ABCA13: variants seen among roughly 807,000 people sequenced by gnomAD.
ABCA13 encodes ATP binding cassette subfamily A member 13.
Under a neutral mutation model 478.7 loss-of-function variants are expected in ABCA13, and 476 were observed. The ratio of observed to expected loss-of-function variants is 0.99; its 90% CI spans 0.92 to 1.07. The LOEUF is 1.07. ABCA13 is among the 50% of genes least tolerant of loss of function. ABCA13 has a pLI of 0.00. For missense variants in ABCA13, 6,060 were observed against 5,910.6 expected, an observed-to-expected ratio of 1.03 and a Z score of -0.83; for synonymous variants, 2,252 against 2,158.9, an observed-to-expected ratio of 1.04 and a Z score of -1.20.
intron 15 of ABCA13, among the ~76,000 whole-genome samples, chr7:48,253,316 G>A (rs1792859235): frequency 6.6e-6 from 1 of 152,180 alleles, no homozygotes; most frequent in African/African-American, 2.4e-5. Context: ...CACTTCGGCA[G>A]CCCCTAGGCA....
At chr7:48,319,010 A>G (rs1803005100) in intron 27 of ABCA13, among the ~76,000 whole-genome samples, 1 of 152,194 alleles carries the variant, frequency 6.6e-6, no homozygotes, top group African/African-American at 2.4e-5. Context: ...TAAGTTAGAT[A>G]TACTATGCTA....
At chr7:48,443,112 C>T (rs574601526) in intron 42 of ABCA13, among the ~76,000 whole-genome samples, 52 of 152,262 alleles carry the variant, frequency 3.4e-4, no homozygotes, top group African/African-American at 1.0e-3. Flanking sequence ...AGAAAGCCGT[C>T]GGCAAACCAA....
At chr7:48,546,557 A>G (rs940117950) in intron 55 of ABCA13, among the ~76,000 whole-genome samples, 1 of 147,526 alleles carries the variant, frequency 6.8e-6, no homozygotes, top group Non-Finnish European at 1.5e-5. Context: ...TAAACGGGAT[A>G]TAAACTCTTA....
intron 1 of ABCA13, among the ~76,000 whole-genome samples, chr7:48,177,476 G>A (rs950071281): frequency 1.4e-4 from 21 of 152,184 alleles, no homozygotes; most frequent in Non-Finnish European, 2.9e-4. Flanking sequence ...TCTCAGCAGC[G>A]GCCCACACCC....
At chr7:48,236,117 T>G (rs1340669211) in intron 8 of ABCA13, among the ~76,000 whole-genome samples, 1 of 152,146 alleles carries the variant, frequency 6.6e-6, no homozygotes, top group Non-Finnish European at 1.5e-5. Flanking sequence ...AGCCAGATTA[T>G]TAAGGCTTAT....
intron 58 of ABCA13, among the ~76,000 whole-genome samples, chr7:48,609,738 A>G (rs1437430041): frequency 2.6e-5 from 4 of 152,160 alleles, no homozygotes; most frequent in Admixed American, 6.5e-5. Flanking sequence ...TTTTGTGTTT[A>G]TTTTTTGAAG....
At chr7:48,221,946 G>A (rs1192983434) in intron 5 of ABCA13, among the ~76,000 whole-genome samples, 2 of 152,166 alleles carry the variant, frequency 1.3e-5, no homozygotes, top group African/African-American at 2.4e-5. Flanking sequence ...TGCTCATATT[G>A]CAGCACCAGA....
intron 3 of ABCA13, among the ~76,000 whole-genome samples, chr7:48,206,030 A>G (rs1784879293): frequency 2.0e-5 from 3 of 151,592 alleles, no homozygotes; most frequent in Non-Finnish European, 4.4e-5. Flanking sequence ...ACCTACCTCC[A>G]CTCACCCCAC....
chr7:48,530,098 C>A (rs925591498), intron 55 of ABCA13, among the ~76,000 whole-genome samples: 3 of 152,036 alleles, frequency 2.0e-5, no homozygotes, highest in African/African-American at 7.2e-5. Context: ...CCCCAAAATT[C>A]ATTGTATCAT....
chr7:48,450,113 T>G (rs1824806369), intron 42 of ABCA13, among the ~76,000 whole-genome samples: 1 of 152,212 alleles, frequency 6.6e-6, no homozygotes, highest in African/African-American at 2.4e-5. Flanking sequence ...CTTGCACTAG[T>G]AAATACTCAC....
At chr7:48,205,350 A>G (rs1187707550) in intron 3 of ABCA13, among the ~76,000 whole-genome samples, 1 of 152,036 alleles carries the variant, frequency 6.6e-6, no homozygotes, top group Non-Finnish European at 1.5e-5. Context: ...GTATTTTTTC[A>G]GTTGTATTAT....
At chr7:48,206,694 T>C (rs186172500) in intron 3 of ABCA13, among the ~76,000 whole-genome samples, 1 of 152,270 alleles carries the variant, frequency 6.6e-6, no homozygotes, top group African/African-American at 2.4e-5. Flanking sequence ...ATCTCTGAGG[T>C]ATGTGCAATA....
chr7:48,527,891 A>T (rs1585709381), intron 54 of ABCA13, among the ~76,000 whole-genome samples: 1 of 152,300 alleles, frequency 6.6e-6, no homozygotes, highest in South Asian at 2.1e-4. Flanking sequence ...TAATGATGTG[A>T]CTTCCTAAGA....
intron 55 of ABCA13, among the ~76,000 whole-genome samples, chr7:48,577,944 C>A (rs1470594026): frequency 6.6e-6 from 1 of 151,950 alleles, no homozygotes; most frequent in Non-Finnish European, 1.5e-5. Context: ...TAATATAATC[C>A]ATTACAACAA....
At chr7:48,520,444 A>G in intron 53 of ABCA13, 150 bp downstream of exon 53, 1 of 1,011,536 alleles carries the variant, frequency 9.9e-7, no homozygotes, top group Non-Finnish European at 1.3e-6. Context: ...TATTTTTTAA[A>G]CATTGATTGG....
intron 27 of ABCA13, among the ~76,000 whole-genome samples, chr7:48,322,099 C>T (rs1168266122): frequency 1.3e-5 from 2 of 152,218 alleles, no homozygotes; most frequent in Non-Finnish European, 2.9e-5. Flanking sequence ...TAGAGAACTA[C>T]CTTTTCTTTG....
chr7:48,404,027 G>T lies in ABCA13; in HGVS notation c.12070+148G>T, dbSNP rs141536487. On this transcript the variant is annotated intron_variant, in intron 39 of 61. Coordinates refer to ENST00000435803, the MANE Select transcript of ABCA13 (RefSeq NM_152701.5). ...TATAAATTTTTAAAAGCACTTATAG[G>T]GATATATTCGTTAGATAACATCTCT... 305 of 934,564 alleles carry T rather than the reference G, an allele frequency of 3.3e-4. No individual in the cohort carries two copies. The African/African-American group carries it at 4.0e-3, about 12-fold the overall frequency. The allele number at this position is 934,564 out of a possible 1,614,324, so 57.9% of individuals were successfully genotyped here. A position where few individuals can be genotyped will look rare whatever the true frequency, so the allele number is the denominator to read the frequency against.
At chr7:48,604,194 T>C (rs1585952418) in intron 58 of ABCA13, among the ~76,000 whole-genome samples, 1 of 152,176 alleles carries the variant, frequency 6.6e-6, no homozygotes, top group African/African-American at 2.4e-5. Flanking sequence ...CCTGGATTCA[T>C]TGATTTTTTG....
At chr7:48,207,444 A>C (rs78123238) in intron 3 of ABCA13, among the ~76,000 whole-genome samples, 1 of 151,712 alleles carries the variant, frequency 6.6e-6, no homozygotes, top group East Asian at 1.9e-4. Flanking sequence ...CTTTTTCCCA[A>C]CCCCTCACTA....
Sources: gnomAD v4.1 joint callset for allele counts (sites outside exome capture counted in the v4.1 genomes callset) on GRCh38, gnomAD v4.1.1 for gene constraint, MANE v1.5 for transcripts, NCBI Gene and HGNC (gene_info 2026-07-23, HGNC 2026-07-21) for gene names.